Variants in GPM6A observed in about 807,000 individuals in gnomAD.
GPM6A encodes the protein glycoprotein M6A, also known as neuronal membrane glycoprotein M6-a.
In GPM6A, 7 loss-of-function variants were observed where a neutral mutation model predicts 32.1. That is an observed-to-expected ratio of 0.22 (90% CI 0.12 to 0.41). The LOEUF (loss-of-function observed/expected upper bound fraction) is 0.41, where lower values mean the gene tolerates loss of function less well. Ranked by LOEUF, GPM6A falls within the 10% of genes least tolerant of loss-of-function variation. The pLI is 1.00. For missense variants in GPM6A, 235 were observed against 347.2 expected (o/e 0.68, Z 2.57); for synonymous variants, 130 against 123.4 (o/e 1.05, Z -0.35).
At chr4:175,877,211 A>C (rs1184870725) in intron 1 of GPM6A, among the ~76,000 whole-genome samples, 1 of 152,202 alleles carries the variant, frequency 6.6e-6, no homozygotes, top group African/African-American at 2.4e-5. Flanking sequence ...ACCTGATTCC[A>C]GGGATGAAGT....
intron 2 of GPM6A, among the ~76,000 whole-genome samples, chr4:175,685,730 G>A (rs935837492): frequency 6.6e-6 from 1 of 152,132 alleles, no homozygotes; most frequent in Admixed American, 6.5e-5. Context: ...AGAGATTCTA[G>A]CCTTCTTTGT....
chr4:175,756,981 C>T (rs889889151), intron 1 of GPM6A, among the ~76,000 whole-genome samples: 63 of 152,054 alleles, frequency 4.1e-4, no homozygotes, highest in African/African-American at 1.3e-3. Flanking sequence ...TTTAAGAAGG[C>T]GAACTGGAGG....
chr4:175,949,691 TTGGCTGATACTTTCA>T (rs2126370391), intron 1 of GPM6A, among the ~76,000 whole-genome samples: 1 of 152,312 alleles, frequency 6.6e-6, no homozygotes, highest in African/African-American at 2.4e-5. Flanking sequence ...GAGGTTGTCT[TTGGCTGATACTTTCA>T]GAGTCCTCAG....
intron 1 of GPM6A, among the ~76,000 whole-genome samples, chr4:175,854,698 G>C (rs528143656): frequency 3.3e-5 from 5 of 152,170 alleles, no homozygotes; most frequent in Non-Finnish European, 7.3e-5. Flanking sequence ...AAGATTGAAC[G>C]GAGAATACGG....
intron 1 of GPM6A, among the ~76,000 whole-genome samples, chr4:175,953,997 T>C (rs1179279942): frequency 6.6e-6 from 1 of 152,162 alleles, no homozygotes; most frequent in East Asian, 1.9e-4. Context: ...TTTTTTACAG[T>C]CCTGAGAAAT....
intron 1 of GPM6A, among the ~76,000 whole-genome samples, chr4:175,889,027 A>G (rs561402737): frequency 6.6e-6 from 1 of 152,324 alleles, no homozygotes; most frequent in South Asian, 2.1e-4. Flanking sequence ...GAATTAGGTA[A>G]CATTATAAAT....
intron 1 of GPM6A, among the ~76,000 whole-genome samples, chr4:175,758,011 G>A (rs969416537): frequency 6.6e-6 from 1 of 152,158 alleles, no homozygotes; most frequent in Non-Finnish European, 1.5e-5. Flanking sequence ...CAAAGCAGAA[G>A]AATGGAGAAG....
chr4:175,903,531 G>T lies in GPM6A; in HGVS notation c.-22-91282C>A, dbSNP rs189778842. ...AAAGGAATAACTTCACACTGGAGAA[G>T]CTTTAATCAACCAATCAACATTAAC... On this transcript the variant is annotated intron_variant, in intron 1 of 7. Transcript: ENST00000280187. Among the ~76,000 whole-genome samples the T allele has an allele frequency of 2.0e-3, 305 of 152,244 alleles. 1 individual carries two copies. The highest frequency in any genetic ancestry group is 3.3e-3 in the Non-Finnish European group (226 of 68,000).
intron 1 of GPM6A, among the ~76,000 whole-genome samples, chr4:175,778,880 A>G (rs1733503304): frequency 1.3e-5 from 2 of 150,690 alleles, no homozygotes. Flanking sequence ...TATATCAATA[A>G]TATAATCACA....
chr4:175,906,046 A>G (rs994508703), intron 1 of GPM6A, among the ~76,000 whole-genome samples: 3 of 152,144 alleles, frequency 2.0e-5, no homozygotes, highest in African/African-American at 4.8e-5. Context: ...AATGGTTTCA[A>G]TAAGAGTGAA....
At chr4:175,785,037 G>A (rs571153197) in intron 1 of GPM6A, among the ~76,000 whole-genome samples, 9 of 152,264 alleles carry the variant, frequency 5.9e-5, no homozygotes, top group Admixed American at 5.2e-4. Context: ...CCTCCTTGAA[G>A]CTGGGCTAGC....
Position 175,752,271 on chromosome 4 carries a change from T to A in GPM6A, c.38-50504A>T, listed in dbSNP as rs564468985. 1.5e-4 allele frequency among the ~76,000 whole-genome samples: 23 copies of A among 152,260 alleles called. No homozygotes were observed. In the South Asian group the frequency reaches 4.2e-3, roughly 27 times the overall value. On this transcript the variant is annotated intron_variant, in intron 1 of 6. Coordinates refer to ENST00000393658, the MANE Select transcript of GPM6A (RefSeq NM_201591.3). Reference sequence around the variant, plus strand: ...AAAGTGAAATATTTTCAAATCCCTGTTCTTTGTGGAGCTCTTTAGTGTCCT... The same window carrying A: ...AAAGTGAAATATTTTCAAATCCCTGATCTTTGTGGAGCTCTTTAGTGTCCT...
At chr4:175,974,823 C>T (rs1399345779) in intron 1 of GPM6A, among the ~76,000 whole-genome samples, 3 of 152,144 alleles carry the variant, frequency 2.0e-5, no homozygotes, top group Middle Eastern at 3.2e-3. Context: ...GCTGGGACTA[C>T]AGGCACATGC....
chr4:175,997,545 A>G (rs1193180308), intron 1 of GPM6A, among the ~76,000 whole-genome samples: 1 of 152,160 alleles, frequency 6.6e-6, no homozygotes, highest in Non-Finnish European at 1.5e-5. Flanking sequence ...CTCATCAAAC[A>G]AATGAGGAAA....
chr4:175,670,881 T>TTTTTTTA (rs1743020889), intron 3 of GPM6A, among the ~76,000 whole-genome samples: 2 of 132,362 alleles, frequency 1.5e-5, no homozygotes, highest in Non-Finnish European at 3.5e-5. Context: ...TTTTTTTTTT[T>TTTTTTTA]GAGACAAAGT....
intron 1 of GPM6A, among the ~76,000 whole-genome samples, chr4:175,810,213 C>A (rs1482755127): frequency 6.6e-6 from 1 of 152,074 alleles, no homozygotes; most frequent in African/African-American, 2.4e-5. Context: ...CAGAGCATTT[C>A]GATTCAAATG....
intron 1 of GPM6A, among the ~76,000 whole-genome samples, chr4:175,936,193 C>A (rs1337000744): frequency 1.3e-5 from 2 of 149,404 alleles, no homozygotes; most frequent in Non-Finnish European, 3.0e-5. Flanking sequence ...GTAGTTCCAG[C>A]TACTCGGGAG....
At chr4:175,869,042 G>A (rs1250921203) in intron 1 of GPM6A, among the ~76,000 whole-genome samples, 1 of 152,162 alleles carries the variant, frequency 6.6e-6, no homozygotes, top group Non-Finnish European at 1.5e-5. Context: ...TCTAAATGCT[G>A]ATTCCAGGCA....
chr4:175,772,294 G>A (rs1484904681), intron 1 of GPM6A, among the ~76,000 whole-genome samples: 3 of 152,104 alleles, frequency 2.0e-5, no homozygotes, highest in African/African-American at 4.8e-5. Context: ...AATGAATCCC[G>A]AGAACATGCC....
Sources: gnomAD v4.1 joint callset for allele counts (sites outside exome capture counted in the v4.1 genomes callset) on GRCh38, gnomAD v4.1.1 for gene constraint, MANE v1.5 for transcripts, NCBI Gene and HGNC (gene_info 2026-07-23, HGNC 2026-07-21) for gene names.